Variants in ZC2HC1B observed in about 807,000 individuals in gnomAD.
ZC2HC1B encodes zinc finger C2HC-type containing 1B, also known as zinc finger C2HC domain-containing protein 1B.
A neutral mutation model predicts 31.0 loss-of-function variants in ZC2HC1B; 36 were observed. The ratio of observed to expected loss-of-function variants is 1.16; its 90% CI spans 0.89 to 1.54. The LOEUF is 1.54. ZC2HC1B is among the 40% of genes most tolerant of loss of function. The pLI is 0.00. For missense variants in ZC2HC1B, 260 were observed against 268.6 expected (o/e 0.97, Z 0.22); for synonymous variants, 73 against 88.0 (o/e 0.83, Z 0.95).
At chr6:143,898,743 T>A in intron 5 of ZC2HC1B, 52 bp downstream of exon 5, 1 of 1,545,184 alleles carries the variant, frequency 6.5e-7, no homozygotes. Context: ...TGCCTAGGGG[T>A]GAGCCGGTAG....
At chr6:143,891,130 C>CA (rs537109022) in intron 4 of ZC2HC1B, among the ~76,000 whole-genome samples, 13,029 of 77,396 alleles carry the variant, frequency 0.17, 965 homozygotes, top group African/African-American at 0.29. Flanking sequence ...GACTCCATCT[C>CA]AAAAAAAAAA....
intron 6 of ZC2HC1B, among the ~76,000 whole-genome samples, chr6:143,928,876 G>T (rs1778084173): frequency 7.2e-6 from 1 of 138,876 alleles, no homozygotes; most frequent in African/African-American, 2.7e-5. Flanking sequence ...ATTGACTTTT[G>T]ATTTGGTTCT....
At chr6:143,891,467 G>A (rs1001904085) in intron 4 of ZC2HC1B, among the ~76,000 whole-genome samples, 2 of 152,134 alleles carry the variant, frequency 1.3e-5, no homozygotes, top group East Asian at 1.9e-4. Context: ...TTGGGAGGCC[G>A]AGGCAGGTGG....
At chr6:143,937,523 C>G (rs1334186699) in intron 6 of ZC2HC1B, 126 bp from the exon 7 acceptor site, 3 of 545,326 alleles carry the variant, frequency 5.5e-6, no homozygotes, top group Non-Finnish European at 8.3e-6. Flanking sequence ...CACACTCCCC[C>G]ACCTCCCACC....
At chr6:143,873,357 G>A (rs1777366762) in intron 1 of ZC2HC1B, among the ~76,000 whole-genome samples, 1 of 152,222 alleles carries the variant, frequency 6.6e-6, no homozygotes, top group African/African-American at 2.4e-5. Context: ...TCATGGGTTG[G>A]TGTTGAGTGT....
rs908281877 is a variant in ZC2HC1B, at chr6:143,898,614, A to G, written c.412A>G (p.Asn138Asp). 218 of 1,551,790 alleles carry G rather than the reference A, an allele frequency of 1.4e-4. 1 individual carries two copies. Among genetic ancestry groups the G allele is most frequent in the Middle Eastern group, 5.0e-4 (3 of 6,016 alleles). Residue 138 changes from asparagine (N) to aspartate (D), a missense_variant, in exon 5 of 8, where the codon AAT becomes GAT. Coordinates refer to ENST00000237275, the MANE Select transcript of ZC2HC1B (RefSeq NM_001013623.3). ...FNESAAERHT[N>D]FCKDQSSRRV... Reference sequence around the variant, plus strand: ...TGAAAGCGCAGCTGAGCGACATACTAATTTCTGCAAGGATCAGTCTTCTCG... The same window carrying G: ...TGAAAGCGCAGCTGAGCGACATACTGATTTCTGCAAGGATCAGTCTTCTCG...
intron 1 of ZC2HC1B, among the ~76,000 whole-genome samples, chr6:143,874,342 T>C (rs1233685615): frequency 1.3e-5 from 2 of 152,222 alleles, no homozygotes; most frequent in Non-Finnish European, 2.9e-5. Flanking sequence ...CACATTTTCC[T>C]GTCTTCTTCT....
At chr6:143,876,733 G>A (rs1777412044) in intron 1 of ZC2HC1B, among the ~76,000 whole-genome samples, 1 of 150,708 alleles carries the variant, frequency 6.6e-6, no homozygotes, top group Non-Finnish European at 1.5e-5. Flanking sequence ...GCCAGTCTGA[G>A]TCCCAAAACT....
chr6:143,891,924 C>T (rs745593475), intron 4 of ZC2HC1B, among the ~76,000 whole-genome samples: 2 of 152,124 alleles, frequency 1.3e-5, no homozygotes, highest in Non-Finnish European at 2.9e-5. Flanking sequence ...AGACACCCCC[C>T]TATCTGTGGG....
At chr6:143,909,427 T>C (rs1284014693) in intron 6 of ZC2HC1B, among the ~76,000 whole-genome samples, 1 of 151,874 alleles carries the variant, frequency 6.6e-6, no homozygotes, top group East Asian at 1.9e-4. Context: ...TTAGGGAAGA[T>C]TCCCCCTCCT....
chr6:143,877,342 G>A (rs145458851), intron 1 of ZC2HC1B, among the ~76,000 whole-genome samples: 3,810 of 127,562 alleles, frequency 0.03, 170 homozygotes, highest in Admixed American at 0.086. Flanking sequence ...GAGTGCAATG[G>A]CGCCATCTCA....
chr6:143,866,570 CA>C (rs1318167397), intron 1 of ZC2HC1B, among the ~76,000 whole-genome samples: 1 of 152,220 alleles, frequency 6.6e-6, no homozygotes. Flanking sequence ...GTCTGAAGTG[CA>C]GTTACCGCTT....
chr6:143,881,885 G>A (rs1777472860), intron 1 of ZC2HC1B: 1 of 152,144 alleles, frequency 6.6e-6, no homozygotes, highest in Non-Finnish European at 1.5e-5. Flanking sequence ...CATATCATTT[G>A]TATCTGTCAG....
At chr6:143,874,451 C>A (rs1777382934) in intron 1 of ZC2HC1B, among the ~76,000 whole-genome samples, 2 of 152,154 alleles carry the variant, frequency 1.3e-5, no homozygotes, top group South Asian at 4.1e-4. Flanking sequence ...TCTACTGGTA[C>A]CAATTTACTG....
At chr6:143,900,173 T>C (rs924320965) in intron 5 of ZC2HC1B, among the ~76,000 whole-genome samples, 1 of 152,028 alleles carries the variant, frequency 6.6e-6, no homozygotes, top group African/African-American at 2.4e-5. Flanking sequence ...GCAGATCACC[T>C]GAGGTAGGGA....
At position 143,899,322 on chromosome 6, in the gene ZC2HC1B, T is replaced by A. The variant is rs560241941; in HGVS notation, c.489+631T>A. ...TATAGCATAAAAACTATTAGTTTCA[T>A]AGACGTGGCTTAGATGCCATGAAAA... On this transcript the variant is annotated intron_variant, in intron 5 of 7. Coordinates refer to ENST00000237275, the MANE Select transcript of ZC2HC1B (RefSeq NM_001013623.3). This position sits in a 1 kb window ranked among gnomAD's most constrained non-coding sequence, Gnocchi z 5.0. Among the ~76,000 whole-genome samples, 1 of 152,240 alleles carries A rather than the reference T, an allele frequency of 6.6e-6. No individual in the cohort carries two copies. Among genetic ancestry groups the A allele is most frequent in the Non-Finnish European group, 1.5e-5 (1 of 68,040 alleles).
At chr6:143,919,312 A>G (rs1363286575) in intron 6 of ZC2HC1B, among the ~76,000 whole-genome samples, 1 of 149,388 alleles carries the variant, frequency 6.7e-6, no homozygotes, top group African/African-American at 2.5e-5. Flanking sequence ...TGTCAACTTA[A>G]GGTCTTCTCA....
intron 6 of ZC2HC1B, among the ~76,000 whole-genome samples, chr6:143,920,492 A>G (rs561831861): frequency 6.6e-6 from 1 of 152,354 alleles, no homozygotes; most frequent in Non-Finnish European, 1.5e-5. Context: ...ATACCATTCT[A>G]ACACATAAGA....
chr6:143,898,791 T>A, intron 5 of ZC2HC1B, 100 bp downstream of exon 5: 1 of 1,417,738 alleles, frequency 7.1e-7, no homozygotes, highest in Admixed American at 2.3e-5. Flanking sequence ...TCCTAAGAAG[T>A]GTAAGCGTGA....
Sources: gnomAD v4.1 joint callset for allele counts (sites outside exome capture counted in the v4.1 genomes callset) on GRCh38, gnomAD v4.1.1 for gene constraint, Gnocchi (gnomAD v3.1) non-coding constraint, MANE v1.5 for transcripts, NCBI Gene and HGNC (gene_info 2026-07-23, HGNC 2026-07-21) for gene names.